ASTL: variants seen among roughly 807,000 people sequenced by gnomAD.
The protein encoded by ASTL is astacin like metalloendopeptidase, also known as astacin-like metalloendopeptidase.
In ASTL, 27 loss-of-function variants were observed where a neutral mutation model predicts 36.7. The observed-to-expected ratio is 0.73, with a 90% confidence interval of 0.54 to 1.01. The LOEUF (loss-of-function observed/expected upper bound fraction) is 1.01, where lower values mean the gene tolerates loss of function less well. ASTL is among the 50% of genes least tolerant of loss of function. The probability of loss-of-function intolerance (pLI) is 0.00; values close to 1 mark genes in which losing one functional copy is unlikely to be tolerated. For synonymous variants in ASTL, 222 were observed against 228.1 expected (o/e 0.97, Z 0.24); for missense variants, 524 against 572.8 (o/e 0.91, Z 0.87).
At chr2:96,130,450 A>T (rs1682152474) in intron 6 of ASTL, among the ~76,000 whole-genome samples, 1 of 152,178 alleles carries the variant, frequency 6.6e-6, no homozygotes, top group Non-Finnish European at 1.5e-5. Flanking sequence ...TCTCTGCATA[A>T]GCCACAGCTG....
Position 96,132,471 on chromosome 2 carries a change from G to C in ASTL, c.637+69C>G, listed in dbSNP as rs1682199931. 1.4e-6 allele frequency: 2 copies of C among 1,444,438 alleles called. No individual in the cohort carries two copies. The highest frequency in any genetic ancestry group is 1.9e-6 in the Non-Finnish European group (2 of 1,066,844). 89.5% of individuals were successfully genotyped at this position (1,444,438 alleles called of 1,614,324 possible). A position where few individuals can be genotyped will look rare whatever the true frequency, so the allele number is the denominator to read the frequency against. On this transcript the variant is annotated intron_variant, in intron 6 of 8. Transcript: ENST00000342380. The surrounding 1 kb of genome is among the most constrained non-coding windows in gnomAD (Gnocchi z 5.4). ...TGGATAGCCTCACCCATGGGGACCA[G>C]GCGACTTGGGCCCAAGCCGTGCTGT...
At chr2:96,126,116 G>A (rs185119065) in intron 8 of ASTL, among the ~76,000 whole-genome samples, 1 of 152,138 alleles carries the variant, frequency 6.6e-6, no homozygotes, top group Non-Finnish European at 1.5e-5. Context: ...CCATGACCTC[G>A]GGTTAGGCAA....
chr2:96,137,793 C>T (rs534709305), intron 1 of ASTL, 93 bp from the exon 2 acceptor site: 49 of 1,310,592 alleles, frequency 3.7e-5, no homozygotes, highest in Middle Eastern at 2.6e-4. Flanking sequence ...GGGGATCAGA[C>T]GGTAAGACTC....
Position 96,132,642 on chromosome 2 carries a change from T to C in ASTL, c.535A>G (p.Ile179Val), listed in dbSNP as rs761136005. The change falls in exon 6 of 9, where the codon ATT becomes GTT. Residue 179 changes from isoleucine to valine, a missense_variant. Physicochemically the swap from Ile to Val is conservative, Grantham distance 29 (BLOSUM62 3). Coordinates refer to ENST00000342380, the MANE Select transcript of ASTL (RefSeq NM_001002036.4). This position sits in a 1 kb window ranked among gnomAD's most constrained non-coding sequence, Gnocchi z 5.4. ...APTCLQKGRG[I>V]VLHELMHVLG... is the part of the protein sequence containing the mutation. ...ACATGCATGAGCTCATGAAGGACAA[T>C]GCCCCGGCCCTTCTGGAGACACGTG... is the stretch of plus-strand genomic sequence containing the variant. The C allele has an allele frequency of 3.7e-6, 6 of 1,613,564 alleles. No individual in the cohort carries two copies. The Admixed American group carries it at 5.0e-5, about 13-fold the overall frequency.
In ASTL at chr2:96,129,986, C is replaced by G; in HGVS notation, c.720-8G>C. The G allele has an allele frequency of 6.2e-7, 1 of 1,605,490 alleles. No homozygotes were observed. The highest frequency in any genetic ancestry group is 8.5e-7 in the Non-Finnish European group (1 of 1,173,026). ...CGCCGGCTGAAGGCGAGCCTGGAAC[C>G]CAGCGGGAGACCCCTGAGTCCAGAT... On this transcript the variant is annotated splice_region_variant and splice_polypyrimidine_tract_variant and intron_variant, in intron 7 of 8. Transcript: ENST00000342380.
intron 1 of ASTL, 139 bp downstream of exon 1, chr2:96,138,243 G>A (rs1263271389): frequency 3.7e-6 from 3 of 816,168 alleles, no homozygotes; most frequent in Non-Finnish European, 5.9e-6. Context: ...CTGACTTCTA[G>A]AATAACCCTG....
Position 96,130,502 on chromosome 2 carries a change from A to C in ASTL, c.638-357T>G, listed in dbSNP as rs545650329. Among the ~76,000 whole-genome samples, 400 of 152,136 alleles carry C rather than the reference A, an allele frequency of 2.6e-3. 1 individual carries two copies. Among genetic ancestry groups the C allele is most frequent in the Non-Finnish European group, 4.8e-3 (325 of 67,984 alleles). On this transcript the variant is annotated intron_variant, in intron 6 of 8. Transcript: ENST00000342380. ...GCTCAGGGTCTCAGATGTCCCTCCC[A>C]CCCCAGATGAAATGTCTATTCCTTG...
chr2:96,138,233 C>A (rs1682345326), intron 1 of ASTL, 149 bp downstream of exon 1: 1 of 745,554 alleles, frequency 1.3e-6, no homozygotes. Context: ...CCCCCAGGAG[C>A]TGACTTCTAG....
intron 1 of ASTL, 94 bp downstream of exon 1, chr2:96,138,288 A>T: frequency 8.3e-7 from 1 of 1,204,754 alleles, no homozygotes; most frequent in Non-Finnish European, 1.2e-6. Flanking sequence ...GAGCTCAGCT[A>T]CAATCCCTGC....
At position 96,124,319 on chromosome 2, in the gene ASTL, A is replaced by G. The variant is rs756146899; in HGVS notation, c.875-48T>C. On this transcript the variant is annotated intron_variant, in intron 8 of 8. Coordinates refer to ENST00000342380, the MANE Select transcript of ASTL (RefSeq NM_001002036.4). This position sits in a 1 kb window ranked among gnomAD's most constrained non-coding sequence, Gnocchi z 4.1. ...TGGAACCTCAGAACTGTAGGATGACATGTGGCCCAGCTGTGCGGACCCAGA... is the reference window on the plus strand; with the variant it reads ...TGGAACCTCAGAACTGTAGGATGACGTGTGGCCCAGCTGTGCGGACCCAGA... 1.4e-6 allele frequency: 2 copies of G among 1,459,486 alleles called. No homozygotes were observed. The highest frequency in any genetic ancestry group is 1.8e-6 in the Non-Finnish European group (2 of 1,103,880). The allele number at this position is 1,459,486 out of a possible 1,614,324, so 90.4% of individuals were successfully genotyped here.
At position 96,124,363 on chromosome 2, in the gene ASTL, AG is replaced by A. The variant is rs1682023650; in HGVS notation, c.875-93del. On this transcript the variant is annotated intron_variant, in intron 8 of 8. Transcript: ENST00000342380. The surrounding 1 kb of genome is among the most constrained non-coding windows in gnomAD (Gnocchi z 4.1). ...ACCCAGAGCTGGCTCAGCTCACAGGAGTGGTGCCCACCCATGCCACGGCCTA... is the reference window on the plus strand; with the variant it reads ...ACCCAGAGCTGGCTCAGCTCACAGGATGGTGCCCACCCATGCCACGGCCTA... The A allele has an allele frequency of 8.2e-7, 1 of 1,219,098 alleles. No individual in the cohort carries two copies. Among genetic ancestry groups the A allele is most frequent in the African/African-American group, 1.5e-5 (1 of 64,756 alleles). The allele number at this position is 1,219,098 out of a possible 1,614,324, so 75.5% of individuals were successfully genotyped here. A position where few individuals can be genotyped will look rare whatever the true frequency, so the allele number is the denominator to read the frequency against.
Position 96,124,253 on chromosome 2 carries a change from G to A in ASTL, c.893C>T (p.Thr298Ile). 6.6e-7 allele frequency: 1 copy of A among 1,512,768 alleles called. No individual in the cohort carries two copies. The highest frequency in any genetic ancestry group is 2.3e-5 in the East Asian group (1 of 43,902). The allele number at this position is 1,512,768 out of a possible 1,614,324, so 93.7% of individuals were successfully genotyped here. ...PRGRGSHAHS[T>I]GRSPAPASLS... ...GGAGGCCGGAGCGGGGCTCCTACCAGTGCTGTGGGCATGGGACCCTGCAAC... is the reference window on the plus strand; with the variant it reads ...GGAGGCCGGAGCGGGGCTCCTACCAATGCTGTGGGCATGGGACCCTGCAAC... Residue 298 changes from threonine (T) to isoleucine (I), a missense_variant, in exon 9 of 9, where the codon ACT becomes ATT. Physicochemically the swap from Thr to Ile is moderately conservative, Grantham distance 89. Coordinates refer to ENST00000342380, the MANE Select transcript of ASTL (RefSeq NM_001002036.4). The surrounding 1 kb of genome is among the most constrained non-coding windows in gnomAD (Gnocchi z 4.1).
At chr2:96,131,467 G>A (rs1377111767) in intron 6 of ASTL, among the ~76,000 whole-genome samples, 1 of 152,088 alleles carries the variant, frequency 6.6e-6, no homozygotes, top group Non-Finnish European at 1.5e-5. Flanking sequence ...GCATTTCATG[G>A]TATATCATAA....
chr2:96,130,505 C>G (rs995596580), intron 6 of ASTL, among the ~76,000 whole-genome samples: 1 of 152,226 alleles, frequency 6.6e-6, no homozygotes, highest in African/African-American at 2.4e-5. Flanking sequence ...CCCTCCCACC[C>G]CAGATGAAAT....
rs771468512 is a variant in ASTL at position 96,138,439 on chromosome 2, T to C, written c.-3A>G. The C allele has an allele frequency of 6.2e-7, 1 of 1,609,138 alleles. No individual in the cohort carries two copies. Among genetic ancestry groups the C allele is most frequent in the South Asian group, 1.1e-5 (1 of 90,112 alleles). On this transcript the variant is annotated 5_prime_UTR_variant, in exon 1 of 9. Transcript: ENST00000342380. The stretch of plus-strand genomic sequence containing the variant: ...CAGAGACCCCCTACACCCTCCATGG[T>C]AGAGCCCTGCTGCCCCTTCAGCAAA...
rs1682002430 is a variant in ASTL at position 96,123,660 on chromosome 2, G to C, written c.*190C>G. Among the ~76,000 whole-genome samples, 1 of 152,180 alleles carries C rather than the reference G, an allele frequency of 6.6e-6. No homozygotes were observed. Among genetic ancestry groups the C allele is most frequent in the African/African-American group, 2.4e-5 (1 of 41,432 alleles). ...GCCTTCCCCTGTGGCAGAGCTAGAAGAACCCCTGGCCCTAGGAGCCCTTAG... is the reference window on the plus strand; with the variant it reads ...GCCTTCCCCTGTGGCAGAGCTAGAACAACCCCTGGCCCTAGGAGCCCTTAG... On this transcript the variant is annotated 3_prime_UTR_variant, in exon 9 of 9. Coordinates refer to ENST00000342380, the MANE Select transcript of ASTL (RefSeq NM_001002036.4).
chr2:96,135,235 A>C lies in ASTL; in HGVS notation c.243+116T>G, dbSNP rs114291459. 889 of 755,320 alleles carry C rather than the reference A, an allele frequency of 1.2e-3. 7 individuals are homozygous for C. In the African/African-American group the frequency reaches 0.014, roughly 12 times the overall value. 46.8% of individuals were successfully genotyped at this position (755,320 alleles called of 1,614,324 possible). On this transcript the variant is annotated intron_variant, in intron 3 of 8. Coordinates refer to ENST00000342380, the MANE Select transcript of ASTL (RefSeq NM_001002036.4). The stretch of plus-strand genomic sequence containing the variant: ...CTGACCTTGACAAAAAGAGGCATCT[A>C]CCAAGCTATGTATGTCCCTCACACA...
In ASTL at chr2:96,124,330, C is replaced by CTA. The variant is rs372588707; in HGVS notation, c.875-60_875-59insTA. 506 of 1,420,930 alleles carry CTA rather than the reference C, an allele frequency of 3.6e-4. 3 individuals are homozygous for CTA. The African/African-American group carries it at 6.4e-3, about 18-fold the overall frequency. 88.0% of individuals were successfully genotyped at this position (1,420,930 alleles called of 1,614,324 possible). ...AACTGTAGGATGACATGTGGCCCAG[C>CTA]TGTGCGGACCCAGAGCTGGCTCAGC... On this transcript the variant is annotated intron_variant, in intron 8 of 8. Coordinates refer to ENST00000342380, the MANE Select transcript of ASTL (RefSeq NM_001002036.4). This position sits in a 1 kb window ranked among gnomAD's most constrained non-coding sequence, Gnocchi z 4.1.
In ASTL at chr2:96,132,539, C is replaced by A; in HGVS notation, c.637+1G>T. ...CCTGTCCTGCGTGTGGCCTGGCTCA[C>A]CTGGCAGGATCTCGTTCCAGTTGAC... is the stretch of plus-strand genomic sequence containing the variant. On this transcript the variant is annotated splice_donor_variant, in intron 6 of 8. Coordinates refer to ENST00000342380, the MANE Select transcript of ASTL (RefSeq NM_001002036.4). LOFTEE classifies it high-confidence loss of function. The surrounding 1 kb of genome is among the most constrained non-coding windows in gnomAD (Gnocchi z 5.4). 1 of 1,591,118 alleles carries A rather than the reference C, an allele frequency of 6.3e-7. No individual in the cohort carries two copies. Among genetic ancestry groups the A allele is most frequent in the South Asian group, 1.1e-5 (1 of 90,012 alleles).
Sources: gnomAD v4.1 joint callset for allele counts (sites outside exome capture counted in the v4.1 genomes callset) on GRCh38, gnomAD v4.1.1 for gene constraint, Gnocchi (gnomAD v3.1) non-coding constraint, MANE v1.5 for transcripts, NCBI Gene and HGNC (gene_info 2026-07-23, HGNC 2026-07-21) for gene names.